The following ZEB1 variants were observed in gnomAD, a reference collection of about 807,000 sequenced individuals.
The protein encoded by ZEB1 is zinc finger E-box binding homeobox 1.
In ZEB1, 21 loss-of-function variants were observed where a neutral mutation model predicts 84.9. That is an observed-to-expected ratio of 0.25 (90% confidence interval 0.18 to 0.36). The LOEUF is 0.36. ZEB1 is among the 10% of genes least tolerant of loss of function. The probability of loss-of-function intolerance (pLI) is 1.00; values close to 1 mark genes in which losing one functional copy is unlikely to be tolerated. For missense variants in ZEB1, 1,104 were observed against 1,330.2 expected, an observed-to-expected ratio of 0.83 and a Z score of 2.65; for synonymous variants, 420 against 471.1, an observed-to-expected ratio of 0.89 and a Z score of 1.41.
chr10:31,452,312 A>G (rs1306589143), intron 1 of ZEB1, among the ~76,000 whole-genome samples: 1 of 152,142 alleles, frequency 6.6e-6, no homozygotes, highest in Non-Finnish European at 1.5e-5. Flanking sequence ...TGTATATTAC[A>G]TTATATCCTT....
At chr10:31,482,418 C>T (rs2138511586) in intron 2 of ZEB1, among the ~76,000 whole-genome samples, 1 of 149,894 alleles carries the variant, frequency 6.7e-6, no homozygotes, top group East Asian at 2.0e-4. Flanking sequence ...GTAGAGGTTA[C>T]AGGAGGTTAT....
intron 1 of ZEB1, among the ~76,000 whole-genome samples, chr10:31,383,624 C>CT (rs1198540663): frequency 2.0e-5 from 3 of 152,056 alleles, no homozygotes; most frequent in Admixed American, 6.6e-5. Context: ...GTATGGTAGC[C>CT]ACCAGCCTGA....
chr10:31,370,482 T>C (rs1258496112), intron 1 of ZEB1, among the ~76,000 whole-genome samples: 2 of 152,184 alleles, frequency 1.3e-5, no homozygotes, highest in East Asian at 3.9e-4. Flanking sequence ...AAATTTTACG[T>C]ATTTTTAAAA....
intron 5 of ZEB1, among the ~76,000 whole-genome samples, chr10:31,513,965 TTAATC>T (rs1190463979): frequency 6.6e-6 from 1 of 152,142 alleles, no homozygotes; most frequent in African/African-American, 2.4e-5. Flanking sequence ...TTTTGTAAGA[TTAATC>T]TAAGTATGAA....
intron 1 of ZEB1, among the ~76,000 whole-genome samples, chr10:31,395,540 A>G (rs750690673): frequency 9.2e-5 from 14 of 152,212 alleles, no homozygotes; most frequent in Non-Finnish European, 1.3e-4. Flanking sequence ...ACTTTAATGG[A>G]CTGAAGTAAA....
intron 1 of ZEB1, among the ~76,000 whole-genome samples, chr10:31,414,606 A>G (rs190538413): frequency 6.6e-6 from 1 of 152,324 alleles, no homozygotes; most frequent in Admixed American, 6.5e-5. Context: ...ACAATCTCTA[A>G]TTCTGTATCT....
intron 1 of ZEB1, among the ~76,000 whole-genome samples, chr10:31,367,269 C>T (rs1362022730): frequency 6.6e-6 from 1 of 152,174 alleles, no homozygotes; most frequent in East Asian, 1.9e-4. Context: ...AGTGTCTTGG[C>T]TATTTATCTA....
At chr10:31,372,179 G>A (rs552881943) in intron 1 of ZEB1, among the ~76,000 whole-genome samples, 8 of 152,098 alleles carry the variant, frequency 5.3e-5, no homozygotes, top group African/African-American at 1.9e-4. Flanking sequence ...GGAAAATAAG[G>A]ACGTGTTTTT....
At chr10:31,379,451 A>G (rs1034442102) in intron 1 of ZEB1, among the ~76,000 whole-genome samples, 14 of 151,360 alleles carry the variant, frequency 9.2e-5, no homozygotes, top group African/African-American at 2.2e-4. Context: ...CTGTGTGTGT[A>G]TATATATATA....
intron 1 of ZEB1, among the ~76,000 whole-genome samples, chr10:31,339,181 A>G (rs1412203272): frequency 1.3e-5 from 2 of 152,170 alleles, no homozygotes; most frequent in Non-Finnish European, 2.9e-5. Flanking sequence ...TATGCTCACT[A>G]TATATATAGA....
chr10:31,376,504 T>C (rs2046646632), intron 1 of ZEB1, among the ~76,000 whole-genome samples: 1 of 151,794 alleles, frequency 6.6e-6, no homozygotes, highest in South Asian at 2.1e-4. Flanking sequence ...AACACATGCA[T>C]ATTATATACA....
At chr10:31,398,902 A>G (rs1271398218) in intron 1 of ZEB1, among the ~76,000 whole-genome samples, 1 of 151,990 alleles carries the variant, frequency 6.6e-6, no homozygotes, top group African/African-American at 2.4e-5. Context: ...TGAGGCCTTT[A>G]AAACTGCATG....
chr10:31,527,395 A>C lies in ZEB1; in HGVS notation c.*131A>C. The C allele has an allele frequency of 9.2e-7, 1 of 1,091,314 alleles. No homozygotes were observed. Among genetic ancestry groups the C allele is most frequent in the Non-Finnish European group, 1.3e-6 (1 of 768,686 alleles). The allele number at this position is 1,091,314 out of a possible 1,614,324, so 67.6% of individuals were successfully genotyped here. A position where few individuals can be genotyped will look rare whatever the true frequency, so the allele number is the denominator to read the frequency against. On this transcript the variant is annotated 3_prime_UTR_variant, in exon 9 of 9. Coordinates refer to ENST00000424869, the MANE Select transcript of ZEB1 (RefSeq NM_001174096.2). ...CACTACTGTGTAAAGTAAAAACTAA[A>C]AAAATACAAAATACAAAACACACAC... is the stretch of plus-strand genomic sequence containing the variant.
chr10:31,435,293 C>T (rs1163960370), intron 1 of ZEB1, among the ~76,000 whole-genome samples: 1 of 152,212 alleles, frequency 6.6e-6, no homozygotes. Flanking sequence ...GAACACAGTT[C>T]TGCCAACATC....
In ZEB1 at chr10:31,520,085, T is replaced by G; in HGVS notation, c.794-41T>G. 1 of 1,604,274 alleles carries G rather than the reference T, an allele frequency of 6.2e-7. No individual in the cohort carries two copies. Among genetic ancestry groups the G allele is most frequent in the Non-Finnish European group, 8.5e-7 (1 of 1,176,552 alleles). The stretch of plus-strand genomic sequence containing the variant: ...ATGAGGATACATAAAAATTTATATG[T>G]AATAATTCAGTGAATATAATTTGTT... On this transcript the variant is annotated intron_variant, in intron 6 of 8. Coordinates refer to ENST00000424869, the MANE Select transcript of ZEB1 (RefSeq NM_001174096.2). The surrounding 1 kb of genome is among the most constrained non-coding windows in gnomAD (Gnocchi z 5.1).
chr10:31,481,961 G>T (rs1171250258), intron 2 of ZEB1, among the ~76,000 whole-genome samples: 2 of 151,954 alleles, frequency 1.3e-5, no homozygotes, highest in Non-Finnish European at 2.9e-5. Context: ...TTGTTTAAAA[G>T]AACTATCAAT....
chr10:31,319,910 G>GGCGGA (rs1475399644), intron 1 of ZEB1: 3 of 132,746 alleles, frequency 2.3e-5, no homozygotes, highest in African/African-American at 1.0e-4. Context: ...GCGGCGGCGG[G>GGCGGA]ACGGGGCGGC....
At chr10:31,333,158 G>A (rs1323909673) in intron 1 of ZEB1, among the ~76,000 whole-genome samples, 2 of 152,138 alleles carry the variant, frequency 1.3e-5, no homozygotes, top group Non-Finnish European at 2.9e-5. Context: ...TTCTTTGACA[G>A]TATATTAAGC....
intron 8 of ZEB1, among the ~76,000 whole-genome samples, chr10:31,525,523 GTC>G (rs1262507257): frequency 6.6e-6 from 1 of 152,144 alleles, no homozygotes; most frequent in South Asian, 2.1e-4. Context: ...ACACTCCTGT[GTC>G]TCTCTCTAAC....
Sources: allele counts gnomAD v4.1 joint callset (sites outside exome capture counted in the v4.1 genomes callset), GRCh38; gene constraint gnomAD v4.1.1; non-coding constraint Gnocchi (gnomAD v3.1); transcripts MANE v1.5; gene names NCBI Gene and HGNC (gene_info 2026-07-23, HGNC 2026-07-21).